The following PKNOX1 variants were observed in gnomAD, a reference collection of about 807,000 sequenced individuals.
PKNOX1 encodes PBX/knotted 1 homeobox 1, also known as homeobox protein PKNOX1.
PKNOX1 carries 15 observed loss-of-function variants against 51.9 expected under a neutral mutation model. The observed-to-expected ratio is 0.29, with a 90% CI of 0.19 to 0.45. The LOEUF is 0.45. PKNOX1 is among the 20% of genes least tolerant of loss of function. PKNOX1 has a pLI of 1.00. For synonymous variants in PKNOX1, 219 were observed against 211.1 expected (o/e 1.04, Z -0.32); for missense variants, 462 against 547.5 (o/e 0.84, Z 1.56).
intron 7 of PKNOX1, among the ~76,000 whole-genome samples, chr21:43,019,418 AAC>A (rs1304073349): frequency 6.7e-6 from 1 of 148,850 alleles, no homozygotes; most frequent in African/African-American, 2.4e-5. Flanking sequence ...ACAAAAAAAA[AAC>A]ACACATTTTT....
intron 8 of PKNOX1, among the ~76,000 whole-genome samples, chr21:43,023,994 A>G (rs1262871529): frequency 1.3e-5 from 2 of 150,600 alleles, no homozygotes; most frequent in Non-Finnish European, 1.5e-5. Context: ...TCAGCCTCCC[A>G]AAGTGCTGAG....
chr21:42,983,022 C>G (rs2059034635), intron 1 of PKNOX1, among the ~76,000 whole-genome samples: 1 of 152,108 alleles, frequency 6.6e-6, no homozygotes, highest in Admixed American at 6.6e-5. Flanking sequence ...GTTGGCCAGG[C>G]TGGTCTCGAA....
At chr21:43,014,258 T>C (rs1209306352) in intron 5 of PKNOX1, among the ~76,000 whole-genome samples, 1 of 152,122 alleles carries the variant, frequency 6.6e-6, no homozygotes. Context: ...CCTGACCTCG[T>C]GATCCGCCCG....
chr21:43,009,610 CAAAAAAA>C (rs1202062070), intron 3 of PKNOX1, among the ~76,000 whole-genome samples: 2 of 76,172 alleles, frequency 2.6e-5, no homozygotes, highest in Non-Finnish European at 2.3e-5. Context: ...GACTCCATCT[CAAAAAAA>C]AAAAAAAAAA....
chr21:42,990,425 G>A (rs2059080884), intron 1 of PKNOX1, among the ~76,000 whole-genome samples: 1 of 152,152 alleles, frequency 6.6e-6, no homozygotes, highest in Non-Finnish European at 1.5e-5. Flanking sequence ...GTAGAGTATA[G>A]CCTTTTATCT....
intron 2 of PKNOX1, among the ~76,000 whole-genome samples, chr21:43,005,430 T>TG (rs981762144): frequency 2.0e-5 from 1 of 49,572 alleles, no homozygotes; most frequent in African/African-American, 1.1e-4. Context: ...GTGGTGTTAG[T>TG]GTTTTTTTTT....
chr21:42,979,369 A>C (rs4920021), intron 1 of PKNOX1, among the ~76,000 whole-genome samples: 5,796 of 152,354 alleles, frequency 0.038, 141 homozygotes, highest in Middle Eastern at 0.061. Context: ...TTCTTCATAC[A>C]GGGTTGCCAC....
intron 1 of PKNOX1, among the ~76,000 whole-genome samples, chr21:42,991,952 G>A (rs905822579): frequency 6.6e-6 from 1 of 152,174 alleles, no homozygotes; most frequent in Non-Finnish European, 1.5e-5. Flanking sequence ...TCATGCCACT[G>A]CACTCAGCTT....
At chr21:42,992,250 C>A (rs1465899321) in intron 1 of PKNOX1, among the ~76,000 whole-genome samples, 1 of 152,210 alleles carries the variant, frequency 6.6e-6, no homozygotes. Flanking sequence ...CTTGTGAGTT[C>A]GACCTTATCT....
chr21:42,987,770 C>G (rs1391351892), intron 1 of PKNOX1, among the ~76,000 whole-genome samples: 1 of 151,668 alleles, frequency 6.6e-6, no homozygotes, highest in Non-Finnish European at 1.5e-5. Flanking sequence ...AGGTGCCCAC[C>G]ACCACACCTG....
intron 1 of PKNOX1, among the ~76,000 whole-genome samples, chr21:42,993,421 G>T (rs1193919764): frequency 6.6e-6 from 1 of 152,074 alleles, no homozygotes; most frequent in African/African-American, 2.4e-5. Flanking sequence ...AGGTGGGAGC[G>T]AGACTGGCCC....
chr21:42,992,198 G>T (rs2059091314), intron 1 of PKNOX1, among the ~76,000 whole-genome samples: 1 of 152,214 alleles, frequency 6.6e-6, no homozygotes, highest in Non-Finnish European at 1.5e-5. Flanking sequence ...ATTCACTGTT[G>T]CAGGCACCAG....
At chr21:43,012,814 C>T (rs1979312896) in intron 4 of PKNOX1, among the ~76,000 whole-genome samples, 1 of 152,168 alleles carries the variant, frequency 6.6e-6, no homozygotes, top group African/African-American at 2.4e-5. Context: ...GCCCACACAC[C>T]TAGCACTGGG....
At chr21:43,013,370 C>G in intron 5 of PKNOX1, 132 bp downstream of exon 5, 1 of 585,704 alleles carries the variant, frequency 1.7e-6, no homozygotes, top group Non-Finnish European at 2.8e-6. Context: ...CCCTCTAGGT[C>G]TCTGACCCCA....
intron 1 of PKNOX1, among the ~76,000 whole-genome samples, chr21:42,983,521 G>A (rs1453402941): frequency 2.6e-5 from 4 of 151,994 alleles, no homozygotes; most frequent in African/African-American, 7.2e-5. Context: ...ACTGAATTTT[G>A]TTTATCCATC....
intron 1 of PKNOX1, among the ~76,000 whole-genome samples, chr21:42,976,591 TTTG>T (rs2058998735): frequency 3.3e-5 from 5 of 152,232 alleles, no homozygotes. Flanking sequence ...TTCCAAATGT[TTTG>T]TTGTCATTTC....
chr21:43,031,557 CT>C lies in PKNOX1; in HGVS notation c.*1461del. The C allele has an allele frequency of 6.6e-6, 1 of 152,304 alleles. No homozygotes were observed. Among genetic ancestry groups the C allele is most frequent in the South Asian group, 2.1e-4 (1 of 4,818 alleles). 9.4% of individuals were successfully genotyped at this position (152,304 alleles called of 1,614,324 possible). ...TTTCATTGTTTACTTAGGAGTGGTG[CT>C]TTTTCTCAGAAAACAGGCCACGGTG... On this transcript the variant is annotated 3_prime_UTR_variant, in exon 11 of 11. Transcript: ENST00000291547.
rs373226819 is a variant in PKNOX1 at position 43,004,608 on chromosome 21, G to C, written c.51+176G>C. 5.3e-5 allele frequency among the ~76,000 whole-genome samples: 8 copies of C among 152,204 alleles called. No individual in the cohort carries two copies. In the South Asian group the frequency reaches 6.2e-4, roughly 12 times the overall value. On this transcript the variant is annotated intron_variant, in intron 2 of 10. Coordinates refer to ENST00000291547, the MANE Select transcript of PKNOX1 (RefSeq NM_004571.5). ...AAAAGCCATAGAATAATACTATTTCGTTAACTGATACCAAGATTGCCAGGA... is the reference window on the plus strand; with the variant it reads ...AAAAGCCATAGAATAATACTATTTCCTTAACTGATACCAAGATTGCCAGGA...
intron 9 of PKNOX1, among the ~76,000 whole-genome samples, chr21:43,028,398 C>T (rs558727410): frequency 8.6e-5 from 13 of 151,928 alleles, no homozygotes; most frequent in African/African-American, 3.1e-4. Context: ...ACAGTATCAT[C>T]TATGTCGTTA....
Sources: gnomAD v4.1 joint callset for allele counts (sites outside exome capture counted in the v4.1 genomes callset) on GRCh38, gnomAD v4.1.1 for gene constraint, MANE v1.5 for transcripts, NCBI Gene and HGNC (gene_info 2026-07-23, HGNC 2026-07-21) for gene names.